The following PCDHA2 variants were observed in gnomAD, a reference collection of about 807,000 sequenced individuals.
The protein encoded by PCDHA2 is protocadherin alpha-2.
PCDHA2 carries 58 observed loss-of-function variants against 66.0 expected under a neutral mutation model. The observed-to-expected ratio is 0.88, with a 90% CI of 0.71 to 1.09. The LOEUF is 1.09. Among genes scored for constraint, PCDHA2 ranks in the 50% least tolerant of loss-of-function variants. PCDHA2 has a pLI of 0.00. For synonymous variants in PCDHA2, 634 were observed against 554.0 expected, an observed-to-expected ratio of 1.14 and a Z score of -2.03; for missense variants, 1,267 against 1,242.3, an observed-to-expected ratio of 1.02 and a Z score of -0.30.
intron 1 of PCDHA2, among the ~76,000 whole-genome samples, chr5:140,818,664 C>T (rs1554127546): frequency 6.6e-6 from 1 of 152,120 alleles, no homozygotes; most frequent in Non-Finnish European, 1.5e-5. Context: ...TAGGGAGACT[C>T]CATCTTTACA....
At chr5:140,853,149 G>T in intron 1 of PCDHA2, 1 of 844,586 alleles carries the variant, frequency 1.2e-6, no homozygotes, top group Non-Finnish European at 1.5e-6. Flanking sequence ...AAAATGCTGG[G>T]ATTACAGGCG....
intron 1 of PCDHA2, chr5:140,876,621 A>G: frequency 6.2e-7 from 1 of 1,614,120 alleles, no homozygotes; most frequent in Non-Finnish European, 8.5e-7. Context: ...GAGCCAATGG[A>G]CAGGTCATCT....
At chr5:140,829,199 G>C (rs1416881170) in intron 1 of PCDHA2, 1 of 1,614,038 alleles carries the variant, frequency 6.2e-7, no homozygotes, top group East Asian at 2.2e-5. Context: ...TACTGTCATC[G>C]CCCTAATTAG....
intron 1 of PCDHA2, chr5:140,836,076 C>A (rs1387042597): frequency 5.6e-6 from 9 of 1,613,592 alleles, no homozygotes; most frequent in Non-Finnish European, 7.6e-6. Flanking sequence ...CGCGCCGGCA[C>A]TGCTGGCGCC....
At chr5:140,930,832 T>A (rs1375434055) in intron 1 of PCDHA2, among the ~76,000 whole-genome samples, 1 of 152,226 alleles carries the variant, frequency 6.6e-6, no homozygotes, top group East Asian at 1.9e-4. Flanking sequence ...GCTGACTGAA[T>A]GAATAAATAT....
At chr5:140,879,672 G>C (rs1256239319) in intron 1 of PCDHA2, among the ~76,000 whole-genome samples, 1 of 152,160 alleles carries the variant, frequency 6.6e-6, no homozygotes, top group East Asian at 1.9e-4. Flanking sequence ...ACACAAACTG[G>C]GTGCTGTAAA....
intron 1 of PCDHA2, among the ~76,000 whole-genome samples, chr5:140,906,640 G>A (rs1465278194): frequency 6.6e-6 from 1 of 152,210 alleles, no homozygotes; most frequent in African/African-American, 2.4e-5. Context: ...ACCTCAGCAG[G>A]TAGTGGTTTT....
In PCDHA2 at chr5:141,010,017, T is replaced by C; in HGVS notation, c.*80T>C. 1.3e-6 allele frequency: 2 copies of C among 1,571,154 alleles called. No individual in the cohort carries two copies. Among genetic ancestry groups the C allele is most frequent in the Non-Finnish European group, 1.7e-6 (2 of 1,162,678 alleles). On this transcript the variant is annotated 3_prime_UTR_variant, in exon 4 of 4. Transcript: ENST00000526136. ...CTCCCATGTAGCAATTCCCTGCTCC[T>C]TTTTCCTATCTACATGAGCCCTCTT...
intron 1 of PCDHA2, chr5:140,835,730 C>A: frequency 1.2e-6 from 2 of 1,613,804 alleles, no homozygotes; most frequent in South Asian, 1.1e-5. Context: ...CCGACGTGAA[C>A]GACAACGCCC....
chr5:140,907,298 A>G (rs138771358), intron 1 of PCDHA2, among the ~76,000 whole-genome samples: 4 of 152,162 alleles, frequency 2.6e-5, no homozygotes, highest in Non-Finnish European at 4.4e-5. Flanking sequence ...CTGCTTCAGG[A>G]TGATGGGGAA....
chr5:140,929,153 A>G (rs1554206749), intron 1 of PCDHA2: 1 of 1,614,164 alleles, frequency 6.2e-7, no homozygotes, highest in East Asian at 2.2e-5. Context: ...TCTCAGACTT[A>G]TCTCTATCGG....
intron 1 of PCDHA2, among the ~76,000 whole-genome samples, chr5:140,878,496 C>G (rs562678244): frequency 7.2e-5 from 11 of 152,174 alleles, no homozygotes; most frequent in Non-Finnish European, 1.6e-4. Flanking sequence ...ATTTAACCAT[C>G]TGTACGATAC....
intron 1 of PCDHA2, chr5:140,828,807 C>T: frequency 1.2e-6 from 2 of 1,614,222 alleles, no homozygotes; most frequent in African/African-American, 1.3e-5. Flanking sequence ...AATGATAATG[C>T]TCCCACTTTC....
chr5:140,950,723 A>AT (rs1196047674), intron 1 of PCDHA2, among the ~76,000 whole-genome samples: 72 of 152,102 alleles, frequency 4.7e-4, no homozygotes, highest in African/African-American at 1.6e-3. Flanking sequence ...ATATCCTTAA[A>AT]TTTTTTAATC....
chr5:140,871,877 G>A (rs1554165902), intron 1 of PCDHA2, among the ~76,000 whole-genome samples: 2 of 152,144 alleles, frequency 1.3e-5, no homozygotes, highest in African/African-American at 4.8e-5. Flanking sequence ...ATTTAAATTT[G>A]CTCCTCTTTG....
chr5:140,967,528 T>C, intron 1 of PCDHA2: 3 of 1,613,146 alleles, frequency 1.9e-6, no homozygotes, highest in Non-Finnish European at 2.5e-6. Context: ...ACGACAACTC[T>C]CCTGCCTTTG....
chr5:140,937,371 T>C (rs2153632940), intron 1 of PCDHA2, among the ~76,000 whole-genome samples: 1 of 152,314 alleles, frequency 6.6e-6, no homozygotes, highest in Non-Finnish European at 1.5e-5. Context: ...TCTTAATGTT[T>C]ATGTGTGTGT....
intron 1 of PCDHA2, chr5:140,851,252 G>A: frequency 9.2e-7 from 1 of 1,089,164 alleles, no homozygotes; most frequent in Non-Finnish European, 1.2e-6. Flanking sequence ...ATGATGCATA[G>A]TATTTTAGTC....
At chr5:140,885,453 C>T (rs1269332427) in intron 1 of PCDHA2, among the ~76,000 whole-genome samples, 3 of 152,100 alleles carry the variant, frequency 2.0e-5, no homozygotes, top group African/African-American at 7.2e-5. Flanking sequence ...ATATTATTTA[C>T]CTAATGATGG....
Sources: gnomAD v4.1 joint callset for allele counts (sites outside exome capture counted in the v4.1 genomes callset) on GRCh38, gnomAD v4.1.1 for gene constraint, MANE v1.5 for transcripts, NCBI Gene and HGNC (gene_info 2026-07-23, HGNC 2026-07-21) for gene names.